The following CACNA1A variants were observed in gnomAD, a reference collection of about 807,000 sequenced individuals.
CACNA1A encodes voltage-dependent P/Q-type calcium channel subunit alpha-1A.
CACNA1A carries 57 observed loss-of-function variants against 262.4 expected under a neutral mutation model. That is an observed-to-expected ratio of 0.22 (90% CI 0.18 to 0.27). The LOEUF is 0.27. Among genes scored for constraint, CACNA1A ranks in the 10% least tolerant of loss-of-function variants. CACNA1A has a pLI of 1.00. For synonymous variants in CACNA1A, 1,431 were observed against 1,419.3 expected (o/e 1.01, Z -0.18); for missense variants, 2,526 against 3,562.8 (o/e 0.71, Z 7.41).
At chr19:13,490,166 A>G (rs1456995516) in intron 1 of CACNA1A, among the ~76,000 whole-genome samples, 2 of 152,226 alleles carry the variant, frequency 1.3e-5, no homozygotes, top group Non-Finnish European at 2.9e-5. Context: ...AGAATTTACT[A>G]TGTGCCACGC....
rs186526240 is a variant in CACNA1A at position 13,307,615 on chromosome 19, G to A, written c.1986+167C>T. 4.8e-5 allele frequency: 29 copies of A among 608,920 alleles called. No individual in the cohort carries two copies. In the East Asian group the frequency reaches 8.0e-4, roughly 17 times the overall value. The allele number at this position is 608,920 out of a possible 1,614,324, so 37.7% of individuals were successfully genotyped here. On this transcript the variant is annotated intron_variant, in intron 15 of 46. Coordinates refer to ENST00000360228, the MANE Select transcript of CACNA1A (RefSeq NM_001127222.2). The stretch of plus-strand genomic sequence containing the variant: ...ATGACATTCATCTCCTGATCTGTTG[G>A]CCTCACCATAATTGAATAATGATAA...
intron 24 of CACNA1A, among the ~76,000 whole-genome samples, chr19:13,268,058 C>T (rs985131125): frequency 1.3e-5 from 2 of 152,082 alleles, no homozygotes; most frequent in Non-Finnish European, 2.9e-5. Flanking sequence ...CCACTGCATC[C>T]TGGGCAAGAC....
intron 1 of CACNA1A, among the ~76,000 whole-genome samples, chr19:13,503,534 TG>T (rs1982636760): frequency 1.3e-5 from 2 of 152,056 alleles, no homozygotes; most frequent in African/African-American, 4.8e-5. Context: ...ATCGTGACTC[TG>T]ACATTCCACG....
intron 10 of CACNA1A, among the ~76,000 whole-genome samples, chr19:13,326,218 G>A (rs554304870): frequency 1.3e-5 from 2 of 152,166 alleles, no homozygotes; most frequent in South Asian, 2.1e-4. Context: ...TGGAGGCTGA[G>A]GTGGGAGAAT....
chr19:13,477,231 G>C (rs938335038), intron 1 of CACNA1A, among the ~76,000 whole-genome samples: 4 of 152,136 alleles, frequency 2.6e-5, no homozygotes, highest in Admixed American at 2.6e-4. Context: ...CCATCGCCTC[G>C]ATAAAGCTCT....
intron 19 of CACNA1A, among the ~76,000 whole-genome samples, chr19:13,294,283 C>T (rs2057612534): frequency 6.6e-6 from 1 of 151,172 alleles, no homozygotes; most frequent in African/African-American, 2.4e-5. Flanking sequence ...AGATTTTTCA[C>T]CTGTGTGAGG....
intron 3 of CACNA1A, among the ~76,000 whole-genome samples, chr19:13,401,490 G>A (rs1291718093): frequency 1.3e-5 from 2 of 152,164 alleles, no homozygotes; most frequent in Non-Finnish European, 2.9e-5. Context: ...AACATGGTGA[G>A]CTTCCCACTA....
intron 3 of CACNA1A, among the ~76,000 whole-genome samples, chr19:13,380,785 ATTTATTTT>A (rs2059511656): frequency 7.8e-6 from 1 of 127,504 alleles, no homozygotes; most frequent in Non-Finnish European, 1.6e-5. Context: ...TTATTTATTT[ATTTATTTT>A]GAGACAGGGT....
chr19:13,441,539 C>T (rs1230032531), intron 3 of CACNA1A, among the ~76,000 whole-genome samples: 4 of 151,736 alleles, frequency 2.6e-5, no homozygotes, highest in African/African-American at 7.3e-5. Flanking sequence ...TGGTGGTGTG[C>T]GCCTGTAATC....
At chr19:13,450,159 A>T (rs1288333040) in intron 3 of CACNA1A, among the ~76,000 whole-genome samples, 1 of 151,540 alleles carries the variant, frequency 6.6e-6, no homozygotes, top group Non-Finnish European at 1.5e-5. Flanking sequence ...AAAAAAAAAA[A>T]AAAGAGAAAG....
At chr19:13,223,777 C>T (rs1390745509) in intron 38 of CACNA1A, among the ~76,000 whole-genome samples, 2 of 152,184 alleles carry the variant, frequency 1.3e-5, no homozygotes, top group African/African-American at 2.4e-5. Context: ...TGCCTTACCT[C>T]CTCAGTGGCG....
intron 18 of CACNA1A, among the ~76,000 whole-genome samples, chr19:13,300,293 C>T (rs1213037002): frequency 6.6e-6 from 1 of 151,608 alleles, no homozygotes; most frequent in Non-Finnish European, 1.5e-5. Context: ...CCTTCCCTTG[C>T]TAGAATGGCT....
intron 24 of CACNA1A, among the ~76,000 whole-genome samples, chr19:13,269,615 T>C (rs1196389365): frequency 6.6e-6 from 1 of 152,168 alleles, no homozygotes. Context: ...CCAGATGGAC[T>C]CTTGGCGGTG....
intron 3 of CACNA1A, among the ~76,000 whole-genome samples, chr19:13,400,370 C>A (rs947495439): frequency 2.0e-5 from 3 of 152,176 alleles, no homozygotes; most frequent in African/African-American, 7.2e-5. Flanking sequence ...TTACCCCTGT[C>A]TTGACCCCTT....
chr19:13,255,705 T>TTCCCCCCCTCCCTCCTTCTC (rs2056532877), intron 28 of CACNA1A, among the ~76,000 whole-genome samples: 1 of 31,850 alleles, frequency 3.1e-5, no homozygotes, highest in South Asian at 1.6e-3. Flanking sequence ...CCCTCCTTCC[T>TTCCCCCCCTCCCTCCTTCTC]TCCCTCCCTC....
intron 19 of CACNA1A, among the ~76,000 whole-genome samples, chr19:13,290,748 T>C (rs1269173451): frequency 1.3e-5 from 2 of 150,840 alleles, no homozygotes; most frequent in East Asian, 2.0e-4. Flanking sequence ...TGTATATATA[T>C]ACATACACAT....
chr19:13,207,671 G>T lies in CACNA1A; in HGVS notation c.7163C>A (p.Ala2388Asp). The T allele has an allele frequency of 7.0e-7, 1 of 1,430,146 alleles. No homozygotes were observed. Among genetic ancestry groups the T allele is most frequent in the Non-Finnish European group, 9.2e-7 (1 of 1,090,994 alleles). The allele number at this position is 1,430,146 out of a possible 1,614,324, so 88.6% of individuals were successfully genotyped here. ...ESPRACRHGG[A>D]RWPASGPHVS... ...GTGCGGGCCAGATGCCGGCCACCGG[G>T]CCCCGCCGTGTCGACAGGCCCTGGG... The change falls in exon 47 of 47, where the codon GCC (alanine) becomes GAC (aspartate). Residue 2388 changes from alanine to aspartate, a missense_variant. Transcript: ENST00000360228. The surrounding 1 kb of genome is among the most constrained non-coding windows in gnomAD (Gnocchi z 5.7).
At chr19:13,384,924 A>G (rs1039995677) in intron 3 of CACNA1A, among the ~76,000 whole-genome samples, 3 of 152,066 alleles carry the variant, frequency 2.0e-5, no homozygotes, top group South Asian at 2.1e-4. Context: ...GTAGGAGAGG[A>G]GATTTTCAGG....
intron 1 of CACNA1A, among the ~76,000 whole-genome samples, chr19:13,458,601 C>T (rs529551781): frequency 1.3e-5 from 2 of 152,256 alleles, no homozygotes; most frequent in African/African-American, 2.4e-5. Flanking sequence ...CTAGATGCCC[C>T]ATTTGCATTC....
Sources: gnomAD v4.1 joint callset for allele counts (sites outside exome capture counted in the v4.1 genomes callset) on GRCh38, gnomAD v4.1.1 for gene constraint, Gnocchi (gnomAD v3.1) non-coding constraint, MANE v1.5 for transcripts, NCBI Gene and HGNC (gene_info 2026-07-23, HGNC 2026-07-21) for gene names.